Variants in KCNMA1 observed in about 807,000 individuals in gnomAD.
KCNMA1 encodes the protein potassium calcium-activated channel subfamily M alpha 1, also known as Calcium-activated potassium channel subunit alpha-1.
In KCNMA1, 29 loss-of-function variants were observed where a neutral mutation model predicts 140.0. The ratio of observed to expected loss-of-function variants is 0.21; its 90% CI spans 0.15 to 0.28. KCNMA1 has a LOEUF of 0.28. Among genes scored for constraint, KCNMA1 ranks in the 10% least tolerant of loss-of-function variants. The pLI, the probability that KCNMA1 is intolerant of heterozygous loss-of-function variation, is 1.00. For synonymous variants in KCNMA1, 612 were observed against 611.9 expected, an observed-to-expected ratio of 1.00 and a Z score of 0.00; for missense variants, 880 against 1,602.2, an observed-to-expected ratio of 0.55 and a Z score of 7.70.
chr10:77,107,422 A>G (rs2097218890), intron 9 of KCNMA1, among the ~76,000 whole-genome samples: 1 of 152,214 alleles, frequency 6.6e-6, no homozygotes, highest in African/African-American at 2.4e-5. Flanking sequence ...ATTTAACTCT[A>G]TGTAAGTTAT....
chr10:77,606,446 A>G (rs928866910), intron 1 of KCNMA1, among the ~76,000 whole-genome samples: 2 of 152,216 alleles, frequency 1.3e-5, no homozygotes, highest in South Asian at 2.1e-4. Context: ...CCATCTCTAC[A>G]AAATAATTAA....
rs561227079 is a variant in KCNMA1, at chr10:77,500,886, G to A, written c.379-96863C>T. ...GGTTTTGGAGGTTGGAAACTGAGAC[G>A]GGATGATGAGTCAGTACAGCACAGA... On this transcript the variant is annotated intron_variant, in intron 1 of 27. Transcript: ENST00000286628. Among the ~76,000 whole-genome samples the A allele has an allele frequency of 3.9e-5, 6 of 152,296 alleles. No homozygotes were observed. In the South Asian group the frequency reaches 1.0e-3, roughly 26 times the overall value.
chr10:77,306,040 C>T (rs1279391671), intron 2 of KCNMA1, among the ~76,000 whole-genome samples: 1 of 152,190 alleles, frequency 6.6e-6, no homozygotes, highest in East Asian at 1.9e-4. Context: ...GCTCACTTCA[C>T]CCCCAGTGGT....
rs2044305279 is a variant in KCNMA1, at chr10:77,206,835, T to C, written c.603-21919A>G. Among the ~76,000 whole-genome samples, 3 of 151,978 alleles carry C rather than the reference T, an allele frequency of 2.0e-5. No homozygotes were observed. The South Asian group carries it at 6.2e-4, about 32-fold the overall frequency. On this transcript the variant is annotated intron_variant, in intron 3 of 27. Coordinates refer to ENST00000286628, the MANE Select transcript of KCNMA1 (RefSeq NM_001161352.2). Reference sequence around the variant, plus strand: ...GGAGGGAGGGGGGGGCGGGTCTTAGTTCATTCTCACTAAGATTAAGTCTAT... The same window carrying C: ...GGAGGGAGGGGGGGGCGGGTCTTAGCTCATTCTCACTAAGATTAAGTCTAT...
intron 2 of KCNMA1, among the ~76,000 whole-genome samples, chr10:77,268,868 A>T (rs558947180): frequency 1.3e-5 from 2 of 152,292 alleles, no homozygotes; most frequent in East Asian, 3.9e-4. Flanking sequence ...CAGTGATTTA[A>T]TGAATACACG....
At chr10:76,977,423 C>G (rs978349773) in intron 19 of KCNMA1, 5 of 623,148 alleles carry the variant, frequency 8.0e-6, no homozygotes, top group Non-Finnish European at 1.4e-5. Context: ...TTTTATCAGA[C>G]CATAGCCACA....
chr10:77,532,914 G>C (rs1280939064), intron 1 of KCNMA1, among the ~76,000 whole-genome samples: 1 of 152,146 alleles, frequency 6.6e-6, no homozygotes, highest in African/African-American at 2.4e-5. Context: ...GTCCCCAAAA[G>C]CTATCATGCC....
chr10:77,412,154 T>G (rs545608663), intron 1 of KCNMA1, among the ~76,000 whole-genome samples: 1 of 152,288 alleles, frequency 6.6e-6, no homozygotes, highest in East Asian at 1.9e-4. Flanking sequence ...GGAAGCTGGA[T>G]GTTCTGCCCA....
chr10:77,581,883 T>C (rs1452542185), intron 1 of KCNMA1, among the ~76,000 whole-genome samples: 3 of 152,342 alleles, frequency 2.0e-5, no homozygotes, highest in Admixed American at 2.0e-4. Context: ...TCAAAGAGCA[T>C]CTGAGTTTTA....
intron 2 of KCNMA1, among the ~76,000 whole-genome samples, chr10:77,322,542 C>T (rs2082656690): frequency 6.6e-6 from 1 of 152,200 alleles, no homozygotes; most frequent in African/African-American, 2.4e-5. Flanking sequence ...CCAGACAGAA[C>T]TAGTTCTTAC....
intron 1 of KCNMA1, among the ~76,000 whole-genome samples, chr10:77,487,441 A>G (rs1373777344): frequency 6.6e-6 from 1 of 152,212 alleles, no homozygotes; most frequent in Non-Finnish European, 1.5e-5. Context: ...TGCAATACAC[A>G]GAAAGAGAGA....
chr10:77,011,759 GTGTTGATGGTGGTGA>G (rs1406280183), intron 18 of KCNMA1, among the ~76,000 whole-genome samples, 193 bp downstream of exon 18: 31 of 152,146 alleles, frequency 2.0e-4, no homozygotes, highest in Admixed American at 2.0e-3. Flanking sequence ...TCATTCCTAG[GTGTTGATGGTGGTGA>G]TTTTTCATCC....
At chr10:77,013,320 G>C (rs1052882205) in intron 17 of KCNMA1, among the ~76,000 whole-genome samples, 2 of 151,924 alleles carry the variant, frequency 1.3e-5, no homozygotes, top group Admixed American at 6.6e-5. Context: ...TTCCATGCTG[G>C]GATTCAGCCA....
At chr10:77,347,246 C>A (rs1263945459) in intron 2 of KCNMA1, among the ~76,000 whole-genome samples, 1 of 152,218 alleles carries the variant, frequency 6.6e-6, no homozygotes, top group Non-Finnish European at 1.5e-5. Context: ...TGTGCATGAA[C>A]CCCACCTACA....
chr10:77,446,392 A>G lies in KCNMA1; in HGVS notation c.379-42369T>C, dbSNP rs1275103646. Reference sequence around the variant, plus strand: ...TAGCTTCTGGCCCAGATGCCAGTCCAAGAGCTAGAGTGGCCTCTCCAAGCT... The same window carrying G: ...TAGCTTCTGGCCCAGATGCCAGTCCGAGAGCTAGAGTGGCCTCTCCAAGCT... On this transcript the variant is annotated intron_variant, in intron 1 of 27. Coordinates refer to ENST00000286628, the MANE Select transcript of KCNMA1 (RefSeq NM_001161352.2). Among the ~76,000 whole-genome samples the G allele has an allele frequency of 2.0e-5, 3 of 152,336 alleles. No homozygotes were observed. The East Asian group carries it at 5.8e-4, about 29-fold the overall frequency.
intron 1 of KCNMA1, among the ~76,000 whole-genome samples, chr10:77,499,232 T>C (rs1389816267): frequency 1.3e-5 from 2 of 151,914 alleles, no homozygotes; most frequent in South Asian, 2.1e-4. Context: ...AGGAAAAAAA[T>C]ACAGAAGCAG....
chr10:77,282,210 G>C (rs972111671), intron 2 of KCNMA1, among the ~76,000 whole-genome samples: 1 of 152,106 alleles, frequency 6.6e-6, no homozygotes, highest in Non-Finnish European at 1.5e-5. Flanking sequence ...AGGATGGAAA[G>C]AGAACAATGT....
chr10:77,286,348 A>T (rs1414317963), intron 2 of KCNMA1, among the ~76,000 whole-genome samples: 1 of 152,190 alleles, frequency 6.6e-6, no homozygotes, highest in Admixed American at 6.5e-5. Context: ...GGTGTTAAAG[A>T]CCTGGTAGAA....
At chr10:76,878,390 T>C (rs1200986133) in intron 29 of KCNMA1, among the ~76,000 whole-genome samples, 1 of 152,196 alleles carries the variant, frequency 6.6e-6, no homozygotes, top group Non-Finnish European at 1.5e-5. Context: ...TTGGCTTTGC[T>C]TATAATACAC....
Sources: allele counts gnomAD v4.1 joint callset (sites outside exome capture counted in the v4.1 genomes callset), GRCh38; gene constraint gnomAD v4.1.1; transcripts MANE v1.5; gene names NCBI Gene and HGNC (gene_info 2026-07-23, HGNC 2026-07-21).